The following MYOM2 variants were observed in gnomAD, a reference collection of about 807,000 sequenced individuals.
MYOM2 encodes the protein myomesin-2.
Under a neutral mutation model 187.6 loss-of-function variants are expected in MYOM2, and 254 were observed. The observed-to-expected ratio is 1.35, with a 90% CI of 1.22 to 1.50. MYOM2 has a LOEUF of 1.50. Ranked by LOEUF, MYOM2 falls within the 40% of genes most tolerant of loss-of-function variation. The pLI is 0.00. For missense variants in MYOM2, 2,796 were observed against 1,924.0 expected (o/e 1.45, Z -8.48); for synonymous variants, 981 against 753.8 (o/e 1.30, Z -4.94).
chr8:2,097,053 C>G, intron 18 of MYOM2: 3 of 911,990 alleles, frequency 3.3e-6, no homozygotes, highest in Non-Finnish European at 3.9e-6. Flanking sequence ...TGACCCTCAT[C>G]TCACACTACA....
intron 21 of MYOM2, among the ~76,000 whole-genome samples, chr8:2,103,600 G>A (rs1377162704): frequency 6.6e-6 from 1 of 151,280 alleles, no homozygotes; most frequent in East Asian, 2.0e-4. Flanking sequence ...GTGTATATGT[G>A]TATATATGTA....
At chr8:2,133,502 C>A (rs1797947701) in intron 32 of MYOM2, among the ~76,000 whole-genome samples, 1 of 152,312 alleles carries the variant, frequency 6.6e-6, no homozygotes, top group Non-Finnish European at 1.5e-5. Flanking sequence ...GCTCTGTCAC[C>A]CAGGCTGGAG....
At chr8:2,055,880 G>A (rs1292365519) in intron 3 of MYOM2, among the ~76,000 whole-genome samples, 1 of 152,116 alleles carries the variant, frequency 6.6e-6, no homozygotes, top group Non-Finnish European at 1.5e-5. Flanking sequence ...CTTTCTGTGC[G>A]ATGTGGCCCT....
chr8:2,117,142 A>G (rs4876224), intron 27 of MYOM2, among the ~76,000 whole-genome samples: 57,409 of 152,072 alleles, frequency 0.38, 11,191 homozygotes, highest in Non-Finnish European at 0.44. Context: ...TAAAATCAAA[A>G]CATTCATTTT....
rs185720372 is a variant in MYOM2 at position 2,125,590 on chromosome 8, T to A, written c.3694+1373T>A. ...GGCTTTCCTAGTTGCATACGACTTTTAGGATTATTTTTCCTTTTTTTTTTT... is the reference window on the plus strand; with the variant it reads ...GGCTTTCCTAGTTGCATACGACTTTAAGGATTATTTTTCCTTTTTTTTTTT... On this transcript the variant is annotated intron_variant, in intron 31 of 36. Coordinates refer to ENST00000262113, the MANE Select transcript of MYOM2 (RefSeq NM_003970.4). 3.3e-3 allele frequency among the ~76,000 whole-genome samples: 484 copies of A among 148,406 alleles called. 1 individual carries two copies. Among genetic ancestry groups the A allele is most frequent in the African/African-American group, 0.011 (453 of 40,466 alleles).
intron 23 of MYOM2, 84 bp from the exon 24 acceptor site, chr8:2,108,702 T>C: frequency 3.8e-6 from 5 of 1,322,400 alleles, no homozygotes; most frequent in Non-Finnish European, 5.4e-6. Flanking sequence ...GTTTCCAATC[T>C]TGCTCGTGTG....
chr8:2,073,238 A>C, intron 9 of MYOM2, 101 bp from the exon 10 acceptor site: 2 of 1,322,260 alleles, frequency 1.5e-6, no homozygotes, highest in Non-Finnish European at 2.1e-6. Context: ...GTCCAGCTCG[A>C]CTGTCCTGTC....
At chr8:2,095,938 C>A (rs772923213) in intron 17 of MYOM2, among the ~76,000 whole-genome samples, 1 of 152,208 alleles carries the variant, frequency 6.6e-6, no homozygotes, top group African/African-American at 2.4e-5. Flanking sequence ...GAAGACAGAA[C>A]ATCTTCTGCT....
chr8:2,122,046 G>T (rs745865591), intron 28 of MYOM2, among the ~76,000 whole-genome samples: 26 of 152,290 alleles, frequency 1.7e-4, no homozygotes, highest in South Asian at 1.2e-3. Flanking sequence ...GTAATTGAAG[G>T]TCATTGGAAA....
chr8:2,045,435 G>A (rs962626978), intron 1 of MYOM2, among the ~76,000 whole-genome samples: 4 of 152,230 alleles, frequency 2.6e-5, no homozygotes, highest in African/African-American at 9.6e-5. Flanking sequence ...TGCGGCGTGT[G>A]CTTTGGGTTT....
chr8:2,071,531 G>A (rs1819217765), intron 8 of MYOM2, among the ~76,000 whole-genome samples: 1 of 152,122 alleles, frequency 6.6e-6, no homozygotes, highest in South Asian at 2.1e-4. Flanking sequence ...AGGCAGCCGT[G>A]GCTTCCAAGT....
intron 32 of MYOM2, among the ~76,000 whole-genome samples, chr8:2,130,235 G>A (rs1207746941): frequency 1.4e-5 from 2 of 142,990 alleles, no homozygotes; most frequent in Non-Finnish European, 3.0e-5. Flanking sequence ...CGTATACCCA[G>A]GGCGCCCACA....
chr8:2,137,763 G>C (rs879766839), intron 32 of MYOM2, among the ~76,000 whole-genome samples: 1 of 152,188 alleles, frequency 6.6e-6, no homozygotes, highest in Non-Finnish European at 1.5e-5. Context: ...AGTGGGCCCA[G>C]TTCCCCACTG....
chr8:2,069,215 A>T lies in MYOM2; in HGVS notation c.654-63A>T, dbSNP rs549583571. 15 of 1,508,256 alleles carry T rather than the reference A, an allele frequency of 9.9e-6. No homozygotes were observed. The East Asian group carries it at 3.2e-4, about 32-fold the overall frequency. 93.4% of individuals were successfully genotyped at this position (1,508,256 alleles called of 1,614,324 possible). On this transcript the variant is annotated intron_variant, in intron 6 of 36. Transcript: ENST00000262113. Reference sequence around the variant, plus strand: ...TGCTTTCGAGGAATGCTTTTGTGCAATTCGGGTCACTGACTTTTACACAAC... The same window carrying T: ...TGCTTTCGAGGAATGCTTTTGTGCATTTCGGGTCACTGACTTTTACACAAC...
intron 1 of MYOM2, among the ~76,000 whole-genome samples, chr8:2,046,767 G>A (rs1458164772): frequency 7.0e-6 from 1 of 142,252 alleles, no homozygotes; most frequent in East Asian, 2.1e-4. Flanking sequence ...TTTTTTTTTG[G>A]TTGGTGTGTG....
rs774366302 is a variant in MYOM2 at position 2,102,787 on chromosome 8, G to C, written c.2734+6G>C. 6.2e-7 allele frequency: 1 copy of C among 1,607,332 alleles called. No individual in the cohort carries two copies. Among genetic ancestry groups the C allele is most frequent in the South Asian group, 1.1e-5 (1 of 90,798 alleles). The stretch of plus-strand genomic sequence containing the variant: ...GCTGGTAGAGGCGAGACCAGGTAAG[G>C]CTTACAACAAAAACTACAAAACAGC... On this transcript the variant is annotated splice_donor_region_variant and intron_variant, in intron 21 of 36. Transcript: ENST00000262113.
chr8:2,144,352 A>G (rs1408628595), intron 36 of MYOM2, among the ~76,000 whole-genome samples: 1 of 152,238 alleles, frequency 6.6e-6, no homozygotes, highest in Non-Finnish European at 1.5e-5. Flanking sequence ...TCTACTATAA[A>G]ACATAGAGCT....
intron 2 of MYOM2, among the ~76,000 whole-genome samples, chr8:2,051,145 C>T (rs888609962): frequency 6.7e-6 from 1 of 150,184 alleles, no homozygotes; most frequent in Non-Finnish European, 1.5e-5. Context: ...GATTTTACTG[C>T]TCATCACATG....
intron 6 of MYOM2, among the ~76,000 whole-genome samples, chr8:2,065,840 C>T (rs1054392541): frequency 6.6e-5 from 10 of 151,946 alleles, no homozygotes; most frequent in Non-Finnish European, 1.3e-4. Flanking sequence ...GGCTTCGTGC[C>T]TGACAGGTGT....
Sources: gnomAD v4.1 joint callset for allele counts (sites outside exome capture counted in the v4.1 genomes callset) on GRCh38, gnomAD v4.1.1 for gene constraint, MANE v1.5 for transcripts, NCBI Gene and HGNC (gene_info 2026-07-23, HGNC 2026-07-21) for gene names.